WDR25: variants seen among roughly 807,000 people sequenced by gnomAD.
WDR25 encodes the protein WD repeat-containing protein 25.
In WDR25, 35 loss-of-function variants were observed where a neutral mutation model predicts 47.7. The ratio of observed to expected loss-of-function variants is 0.73; its 90% confidence interval spans 0.56 to 0.97. The LOEUF is 0.97. Among genes scored for constraint, WDR25 ranks in the 50% least tolerant of loss-of-function variants. The pLI is 0.00. For synonymous variants in WDR25, 248 were observed against 278.9 expected (o/e 0.89, Z 1.10); for missense variants, 634 against 704.7 (o/e 0.90, Z 1.14).
intron 4 of WDR25, among the ~76,000 whole-genome samples, chr14:100,490,666 G>A (rs1900532587): frequency 6.6e-6 from 1 of 152,206 alleles, no homozygotes; most frequent in Non-Finnish European, 1.5e-5. Flanking sequence ...CATGGTATGG[G>A]TGCCTAGTGA....
At chr14:100,439,110 G>A (rs1482491756) in intron 2 of WDR25, among the ~76,000 whole-genome samples, 1 of 152,244 alleles carries the variant, frequency 6.6e-6, no homozygotes, top group Non-Finnish European at 1.5e-5. Flanking sequence ...TATGCCCTGG[G>A]CAAGTGAAGT....
At chr14:100,465,081 TC>T (rs1899581773) in intron 2 of WDR25, among the ~76,000 whole-genome samples, 1 of 151,958 alleles carries the variant, frequency 6.6e-6, no homozygotes. Flanking sequence ...TTCCCTCCCT[TC>T]CTAGGAGTGA....
At position 100,502,564 on chromosome 14, in the gene WDR25, G is replaced by T. The variant is rs76672587; in HGVS notation, c.1101+18440G>T. ...CCAGTTCCACCAGTGTCCTGGAGCT[G>T]CTCACTTTAGAGTTCTTCATTAGGG... On this transcript the variant is annotated intron_variant, in intron 4 of 6. Transcript: ENST00000402312. The surrounding 1 kb of genome is among the most constrained non-coding windows in gnomAD (Gnocchi z 4.5). 0.02 allele frequency among the ~76,000 whole-genome samples: 2,971 copies of T among 152,334 alleles called. 101 individuals are homozygous for T. The highest frequency in any genetic ancestry group is 0.067 in the African/African-American group (2,790 of 41,580).
At chr14:100,410,871 C>A (rs1485582704) in intron 2 of WDR25, among the ~76,000 whole-genome samples, 1 of 151,642 alleles carries the variant, frequency 6.6e-6, no homozygotes, top group East Asian at 1.9e-4. Flanking sequence ...CAGTCTCTAC[C>A]TCCTGGGCTC....
chr14:100,454,646 C>A, intron 2 of WDR25: 2 of 396,776 alleles, frequency 5.0e-6, no homozygotes, highest in South Asian at 3.8e-5. Context: ...ATGATTTTGT[C>A]TGTTTGTTTT....
chr14:100,385,236 C>T lies in WDR25; in HGVS notation c.822+3490C>T, dbSNP rs115694674. Among the ~76,000 whole-genome samples the T allele has an allele frequency of 1.4e-3, 212 of 152,218 alleles. 1 individual carries two copies. Among genetic ancestry groups the T allele is most frequent in the African/African-American group, 5.0e-3 (207 of 41,530 alleles). ...CAAAATTGTGTACATGTTAAGTGAT[C>T]GATAAAAATTAAAACAAATTTTTTG... On this transcript the variant is annotated intron_variant, in intron 2 of 6. Transcript: ENST00000402312.
chr14:100,472,611 A>T (rs1259010299), intron 3 of WDR25, among the ~76,000 whole-genome samples: 1 of 152,164 alleles, frequency 6.6e-6, no homozygotes, highest in Non-Finnish European at 1.5e-5. Context: ...ACATGGGGCC[A>T]CTTTTCGATC....
intron 2 of WDR25, among the ~76,000 whole-genome samples, chr14:100,444,537 T>C (rs1396452498): frequency 1.5e-5 from 2 of 130,586 alleles, no homozygotes; most frequent in Non-Finnish European, 3.3e-5. Flanking sequence ...CCAGGTGACT[T>C]CCTTCTTGCA....
intron 2 of WDR25, among the ~76,000 whole-genome samples, chr14:100,459,069 A>G (rs1308976182): frequency 6.6e-6 from 1 of 152,216 alleles, no homozygotes; most frequent in Non-Finnish European, 1.5e-5. Flanking sequence ...GAAAAATAGT[A>G]GAGGAAAATC....
intron 2 of WDR25, among the ~76,000 whole-genome samples, chr14:100,390,557 C>G (rs1453717286): frequency 6.6e-6 from 1 of 152,162 alleles, no homozygotes; most frequent in Non-Finnish European, 1.5e-5. Context: ...TTCCTTGAGC[C>G]TGGTCAGCTT....
At chr14:100,401,596 G>T (rs1459744712) in intron 2 of WDR25, among the ~76,000 whole-genome samples, 1 of 152,222 alleles carries the variant, frequency 6.6e-6, no homozygotes, top group African/African-American at 2.4e-5. Context: ...GTACCAGCAG[G>T]TTCTGGTGGT....
At chr14:100,467,743 C>T (rs1356873391) in intron 2 of WDR25, among the ~76,000 whole-genome samples, 1 of 152,122 alleles carries the variant, frequency 6.6e-6, no homozygotes, top group African/African-American at 2.4e-5. Flanking sequence ...ACCTTGGCCT[C>T]CCAAAGTGCT....
rs117591044 is a variant in WDR25 at position 100,468,191 on chromosome 14, C to T, written c.970+23C>T. ...CAGGTGCGTTTCTTGTGTCACCTCCCTGAGGTGAGCTGGCAGCTCTCTCCC... is the reference window on the plus strand; with the variant it reads ...CAGGTGCGTTTCTTGTGTCACCTCCTTGAGGTGAGCTGGCAGCTCTCTCCC... On this transcript the variant is annotated intron_variant, in intron 3 of 6. Coordinates refer to ENST00000402312, the MANE Select transcript of WDR25 (RefSeq NM_001161476.3). The surrounding 1 kb of genome is among the most constrained non-coding windows in gnomAD (Gnocchi z 4.5). 3,320 of 1,598,938 alleles carry T rather than the reference C, an allele frequency of 2.1e-3. 129 individuals are homozygous for T. In the East Asian group the frequency reaches 0.065, roughly 31 times the overall value.
At chr14:100,391,462 G>A (rs1016550540) in intron 2 of WDR25, among the ~76,000 whole-genome samples, 5 of 152,096 alleles carry the variant, frequency 3.3e-5, no homozygotes, top group African/African-American at 7.2e-5. Flanking sequence ...CTTCCCATCC[G>A]GCTTATTCCG....
In WDR25 at chr14:100,425,202, G is replaced by A. The variant is rs1464110453; in HGVS notation, c.823-42819G>A. Among the ~76,000 whole-genome samples the A allele has an allele frequency of 1.3e-5, 2 of 152,148 alleles. No homozygotes were observed. The highest frequency in any genetic ancestry group is 2.9e-5 in the Non-Finnish European group (2 of 68,026). ...GGATCAAGTTCCTCTTCCTTGATGTGGGTCCTGGGTCCTTGGAGGCTGGTT... is the reference window on the plus strand; with the variant it reads ...GGATCAAGTTCCTCTTCCTTGATGTAGGTCCTGGGTCCTTGGAGGCTGGTT... On this transcript the variant is annotated intron_variant, in intron 2 of 6. Coordinates refer to ENST00000402312, the MANE Select transcript of WDR25 (RefSeq NM_001161476.3). The surrounding 1 kb of genome is among the most constrained non-coding windows in gnomAD (Gnocchi z 4.8).
At chr14:100,504,703 T>C (rs1254311464) in intron 4 of WDR25, 1 of 152,248 alleles carries the variant, frequency 6.6e-6, no homozygotes, top group Non-Finnish European at 1.5e-5. Context: ...AACAGGTCTG[T>C]ATGTGAATAT....
rs148906331 is a variant in WDR25 at position 100,459,861 on chromosome 14, G to GAT, written c.823-8147_823-8146dup. 7.7e-3 allele frequency among the ~76,000 whole-genome samples: 899 copies of GAT among 116,854 alleles called. 10 individuals are homozygous for GAT. The highest frequency in any genetic ancestry group is 0.02 in the African/African-American group (644 of 32,284). The allele number at this position is 116,854 out of a possible 152,430, so 76.7% of individuals were successfully genotyped here. Reference sequence around the variant, plus strand: ...CTAGTCATGGCAGCCCTGGGAAATGGATATATATATATATCCGTATATGTG... The same window carrying GAT: ...CTAGTCATGGCAGCCCTGGGAAATGGATATATATATATATATCCGTATATGTG... On this transcript the variant is annotated intron_variant, in intron 2 of 6. Coordinates refer to ENST00000402312, the MANE Select transcript of WDR25 (RefSeq NM_001161476.3).
intron 3 of WDR25, among the ~76,000 whole-genome samples, chr14:100,469,783 C>T (rs1341462740): frequency 6.6e-6 from 1 of 152,176 alleles, no homozygotes; most frequent in African/African-American, 2.4e-5. Context: ...TTGAGACAGG[C>T]GCCATCAGAA....
At chr14:100,397,251 A>T (rs1158429750) in intron 2 of WDR25, among the ~76,000 whole-genome samples, 1 of 152,226 alleles carries the variant, frequency 6.6e-6, no homozygotes, top group African/African-American at 2.4e-5. Context: ...GGAAGAGGAT[A>T]CTTGTACAGT....
Sources: allele counts gnomAD v4.1 joint callset (sites outside exome capture counted in the v4.1 genomes callset), GRCh38; gene constraint gnomAD v4.1.1; non-coding constraint Gnocchi (gnomAD v3.1); transcripts MANE v1.5; gene names NCBI Gene and HGNC (gene_info 2026-07-23, HGNC 2026-07-21).